CLEC16A: variants seen among roughly 807,000 people sequenced by gnomAD.
The protein encoded by CLEC16A is C-type lectin domain containing 16A.
Under a neutral mutation model 109.5 loss-of-function variants are expected in CLEC16A, and 51 were observed. The observed-to-expected ratio is 0.47, with a 90% CI of 0.37 to 0.59. The LOEUF (loss-of-function observed/expected upper bound fraction) is 0.59. Ranked by LOEUF, CLEC16A falls within the 20% of genes least tolerant of loss-of-function variation. The probability of loss-of-function intolerance (pLI) is 0.00; values close to 1 mark genes in which losing one functional copy is unlikely to be tolerated. For synonymous variants in CLEC16A, 673 were observed against 564.2 expected (o/e 1.19, Z -2.73); for missense variants, 1,339 against 1,394.0 (o/e 0.96, Z 0.63).
At chr16:10,988,428 C>T (rs2043802028) in intron 10 of CLEC16A, among the ~76,000 whole-genome samples, 1 of 152,140 alleles carries the variant, frequency 6.6e-6, no homozygotes, top group Admixed American at 6.5e-5. Context: ...GACCATGTCT[C>T]GGAGATGCCT....
chr16:11,140,903 C>G (rs898064721), intron 22 of CLEC16A, among the ~76,000 whole-genome samples: 1 of 152,214 alleles, frequency 6.6e-6, no homozygotes, highest in Admixed American at 6.5e-5. Flanking sequence ...CTCTGTGTCC[C>G]CTTCTTTCAA....
At chr16:11,088,995 TC>T (rs1453289032) in intron 19 of CLEC16A, among the ~76,000 whole-genome samples, 5 of 151,900 alleles carry the variant, frequency 3.3e-5, no homozygotes. Flanking sequence ...GTACCCCCTT[TC>T]CCCCCAGGCC....
At chr16:10,990,508 G>A (rs2043941960) in intron 10 of CLEC16A, among the ~76,000 whole-genome samples, 1 of 152,230 alleles carries the variant, frequency 6.6e-6, no homozygotes, top group Admixed American at 6.5e-5. Context: ...GTGACCAAAG[G>A]CCCGGGGTTT....
At chr16:11,016,999 GC>G (rs1284251768) in intron 11 of CLEC16A, among the ~76,000 whole-genome samples, 58 of 120,928 alleles carry the variant, frequency 4.8e-4, no homozygotes, top group African/African-American at 1.6e-3. Context: ...GAATATCGGG[GC>G]GGGGGGGGGG....
At chr16:10,992,604 A>T in intron 10 of CLEC16A, among the ~76,000 whole-genome samples, 2 of 140,758 alleles carry the variant, frequency 1.4e-5, no homozygotes, top group Non-Finnish European at 1.6e-5. Context: ...GCTGGGTGAC[A>T]CTTGAGTTCT....
intron 19 of CLEC16A, among the ~76,000 whole-genome samples, chr16:11,119,070 T>C (rs1186025383): frequency 6.6e-6 from 1 of 152,204 alleles, no homozygotes; most frequent in Non-Finnish European, 1.5e-5. Flanking sequence ...GGTGCGATCT[T>C]GGCTCACTGC....
chr16:11,112,319 G>A (rs2051648375), intron 19 of CLEC16A, among the ~76,000 whole-genome samples: 1 of 152,102 alleles, frequency 6.6e-6, no homozygotes, highest in African/African-American at 2.4e-5. Flanking sequence ...GGGAACCTAG[G>A]AATGTGTTAT....
At position 11,123,871 on chromosome 16, in the gene CLEC16A, C is replaced by T. The variant is rs1169693152; in HGVS notation, c.2398C>T (p.Arg800Cys). The change falls in exon 21 of 24, where the codon CGC becomes TGC. Residue 800 changes from arginine (R) to cysteine (C), a missense_variant. This residue lies in a region of CLEC16A where 1,061 missense variants were observed against 1,006.8 expected (regional missense o/e 1.05). Coordinates refer to ENST00000409790, the MANE Select transcript of CLEC16A (RefSeq NM_015226.3). ...QATFIFSDHI[R>C]CIIAKQRLAK... Reference sequence around the variant, plus strand: ...CACCTTCATCTTCTCAGACCACATCCGCTGCATCATCGCCAAGCAGCGCCT... The same window carrying T: ...CACCTTCATCTTCTCAGACCACATCTGCTGCATCATCGCCAAGCAGCGCCT... 4 of 1,613,870 alleles carry T rather than the reference C, an allele frequency of 2.5e-6. No homozygotes were observed. The highest frequency in any genetic ancestry group is 1.3e-5 in the African/African-American group (1 of 74,920).
rs181724880 is a variant in CLEC16A, at chr16:11,005,379, G to A, written c.1303+2074G>A. On this transcript the variant is annotated intron_variant, in intron 11 of 23. Coordinates refer to ENST00000409790, the MANE Select transcript of CLEC16A (RefSeq NM_015226.3). The stretch of plus-strand genomic sequence containing the variant: ...ACGTCCAAAAGCCTGTTTTCCAGGT[G>A]GTTACTTAGCCAGATCGTGCCACAC... Among the ~76,000 whole-genome samples, 47 of 152,266 alleles carry A rather than the reference G, an allele frequency of 3.1e-4. No homozygotes were observed. In the East Asian group the frequency reaches 8.3e-3, roughly 27 times the overall value.
chr16:11,016,435 A>T (rs559980973), intron 11 of CLEC16A, among the ~76,000 whole-genome samples: 42 of 145,962 alleles, frequency 2.9e-4, no homozygotes, highest in African/African-American at 1.0e-3. Context: ...TGCAACCCCC[A>T]CCCCCTGGGT....
chr16:10,950,753 T>C (rs2041686520), intron 1 of CLEC16A, among the ~76,000 whole-genome samples: 1 of 152,212 alleles, frequency 6.6e-6, no homozygotes, highest in Non-Finnish European at 1.5e-5. Flanking sequence ...GCCAGACAGA[T>C]ACAGGCTCTG....
At chr16:11,108,724 A>G (rs1270026029) in intron 19 of CLEC16A, among the ~76,000 whole-genome samples, 1 of 152,172 alleles carries the variant, frequency 6.6e-6, no homozygotes, top group Non-Finnish European at 1.5e-5. Flanking sequence ...GCCACCTCAT[A>G]GGATCTGGGA....
intron 22 of CLEC16A, among the ~76,000 whole-genome samples, chr16:11,143,536 C>A (rs904069482): frequency 6.6e-6 from 1 of 152,192 alleles, no homozygotes; most frequent in Non-Finnish European, 1.5e-5. Flanking sequence ...CTCTACCTGG[C>A]AACCTTCATT....
Position 10,971,261 on chromosome 16 carries a change from T to C in CLEC16A, c.598+31T>C, listed in dbSNP as rs371603009. On this transcript the variant is annotated intron_variant, in intron 5 of 23. Coordinates refer to ENST00000409790, the MANE Select transcript of CLEC16A (RefSeq NM_015226.3). ...TGTCCTCATGGGCTTGTGTCTCGGC[T>C]GATTTCTGACTTGGCAGCAAGCACT... 5 of 1,513,718 alleles carry C rather than the reference T, an allele frequency of 3.3e-6. No homozygotes were observed. In the African/African-American group the frequency reaches 6.9e-5, roughly 21 times the overall value. 93.8% of individuals were successfully genotyped at this position (1,513,718 alleles called of 1,614,324 possible).
At chr16:11,163,031 G>A (rs752687186) in intron 22 of CLEC16A, among the ~76,000 whole-genome samples, 1 of 152,180 alleles carries the variant, frequency 6.6e-6, no homozygotes, top group Non-Finnish European at 1.5e-5. Flanking sequence ...CACTCCTGTC[G>A]CACGATCTCT....
At chr16:10,946,186 A>G (rs2145576046) in intron 1 of CLEC16A, among the ~76,000 whole-genome samples, 1 of 152,284 alleles carries the variant, frequency 6.6e-6, no homozygotes, top group South Asian at 2.1e-4. Flanking sequence ...TCCTGAGACT[A>G]CTAATGGGAA....
chr16:11,166,830 C>T (rs985338215), intron 23 of CLEC16A, among the ~76,000 whole-genome samples: 1 of 152,230 alleles, frequency 6.6e-6, no homozygotes, highest in African/African-American at 2.4e-5. Flanking sequence ...AGGCGGGCTG[C>T]ACCTAAACCC....
At chr16:11,119,637 C>T (rs185430144) in intron 19 of CLEC16A, among the ~76,000 whole-genome samples, 1 of 152,162 alleles carries the variant, frequency 6.6e-6, no homozygotes, top group African/African-American at 2.4e-5. Flanking sequence ...AGCGATCCTC[C>T]CTCCTCGGAC....
At chr16:10,985,508 A>C (rs910712754) in intron 10 of CLEC16A, among the ~76,000 whole-genome samples, 36 of 150,092 alleles carry the variant, frequency 2.4e-4, no homozygotes, top group African/African-American at 8.3e-4. Context: ...TGATGTTAAT[A>C]TGTTAATAGC....
Sources: gnomAD v4.1 joint callset for allele counts (sites outside exome capture counted in the v4.1 genomes callset) on GRCh38, gnomAD v4.1.1 for gene constraint, gnomAD v4.1.1 regional missense constraint, MANE v1.5 for transcripts, NCBI Gene and HGNC (gene_info 2026-07-23, HGNC 2026-07-21) for gene names.